The following MGAM variants were observed in gnomAD, a reference collection of about 807,000 sequenced individuals.
MGAM encodes the protein alpha-1,4-glucosidase.
A neutral mutation model predicts 358.8 loss-of-function variants in MGAM; 253 were observed. The observed-to-expected ratio is 0.71, with a 90% CI of 0.64 to 0.78. The LOEUF (loss-of-function observed/expected upper bound fraction) is 0.78. Ranked by LOEUF, MGAM falls within the 30% of genes least tolerant of loss-of-function variation. MGAM has a pLI of 0.00. For missense variants in MGAM, 3,080 were observed against 3,432.6 expected (o/e 0.90, Z 2.57); for synonymous variants, 1,105 against 1,227.1 (o/e 0.90, Z 2.08).
intron 65 of MGAM, 74 bp from the exon 66 acceptor site, chr7:142,097,519 C>G: frequency 6.9e-7 from 1 of 1,441,484 alleles, no homozygotes; most frequent in Non-Finnish European, 9.8e-7. Flanking sequence ...TATTTAACCT[C>G]TTTCCTAAGT....
chr7:142,065,100 G>A (rs1284103051), intron 37 of MGAM, among the ~76,000 whole-genome samples: 2 of 152,052 alleles, frequency 1.3e-5, no homozygotes, highest in Non-Finnish European at 2.9e-5. Context: ...TAGTATTTTG[G>A]GAGTACTCCA....
At chr7:142,081,229 T>A (rs1814238663) in intron 50 of MGAM, among the ~76,000 whole-genome samples, 1 of 146,422 alleles carries the variant, frequency 6.8e-6, no homozygotes, top group African/African-American at 2.4e-5. Context: ...TCTCTTCTCA[T>A]GACAACAAAT....
At chr7:142,068,537 G>C (rs1813045161) in intron 42 of MGAM, 110 bp from the exon 43 acceptor site, 1 of 866,308 alleles carries the variant, frequency 1.2e-6, no homozygotes, top group African/African-American at 1.6e-5. Flanking sequence ...GGGACATGAG[G>C]CAGCTGGGTC....
intron 21 of MGAM, among the ~76,000 whole-genome samples, chr7:142,045,613 T>TATTATATATACATACAA (rs369745021): frequency 1.3e-5 from 1 of 76,240 alleles, no homozygotes; most frequent in African/African-American, 2.3e-4. Context: ...ATAATATATA[T>TATTATATATACATACAA]TATATACATA....
rs542752170 is a variant in MGAM at position 142,059,497 on chromosome 7, A to G, written c.3845A>G (p.Tyr1282Cys). Residue 1282 changes from tyrosine to cysteine, a missense_variant, in exon 32 of 71, where the codon TAC becomes TGC. Tyr to Cys is a radical substitution (Grantham distance 194, BLOSUM62 -2). Transcript: ENST00000475668. ...PYDVQYSDIDYMERQLDFTLS... is the reference protein window; with the variant it reads ...PYDVQYSDIDCMERQLDFTLS... ...GATGTGCAGTACTCAGACATCGACT[A>G]CATGGAGCGGCAGCTGGACTTCACC... The G allele has an allele frequency of 6.2e-6, 10 of 1,611,988 alleles. No homozygotes were observed. The highest frequency in any genetic ancestry group is 8.5e-6 in the Non-Finnish European group (10 of 1,178,492).
At chr7:142,045,202 T>TATATAACATATATGTATATAATATATAA (rs1332232588) in intron 21 of MGAM, among the ~76,000 whole-genome samples, 1 of 67,112 alleles carries the variant, frequency 1.5e-5, no homozygotes, top group East Asian at 3.3e-4. Flanking sequence ...ATAATATATA[T>TATATAACATATATGTATATAATATATAA]TATATAACAT....
rs751744643 is a variant in MGAM at position 142,078,860 on chromosome 7, C to A, written c.5699C>A (p.Ser1900Tyr). ...TGCTATTTTGTCAACGACCTATACT[C>A]TGTCAGTGATGTTCAGTATAACTCC... ...PFCYFVNDLY[S>Y]VSDVQYNSHG... Residue 1900 changes from serine (S) to tyrosine (Y), a missense_variant, in exon 49 of 71, where the codon TCT (serine) becomes TAT (tyrosine). Ser to Tyr is a moderately radical substitution (Grantham distance 144). Coordinates refer to ENST00000475668, the MANE Select transcript of MGAM (RefSeq NM_001365693.1). 5 of 1,555,878 alleles carry A rather than the reference C, an allele frequency of 3.2e-6. 1 individual carries two copies. The highest frequency in any genetic ancestry group is 4.4e-6 in the Non-Finnish European group (5 of 1,132,306).
intron 4 of MGAM, 30 bp from the exon 5 acceptor site, chr7:142,020,944 T>A: frequency 7.4e-6 from 11 of 1,490,250 alleles, no homozygotes; most frequent in Non-Finnish European, 1.0e-5. Flanking sequence ...CAGAGTCAAC[T>A]ATGAAAACCT....
In MGAM at chr7:142,056,129, G is replaced by T. The variant is rs369508732; in HGVS notation, c.3580+33G>T. ...CATCAGCACCTCCCTTATTTTGGGG[G>T]GATACCAATCATGCCTGAGTCAATT... On this transcript the variant is annotated intron_variant, in intron 29 of 70. Coordinates refer to ENST00000475668, the MANE Select transcript of MGAM (RefSeq NM_001365693.1). The T allele has an allele frequency of 9.1e-5, 142 of 1,559,294 alleles. No individual in the cohort carries two copies. The African/African-American group carries it at 1.6e-3, about 17-fold the overall frequency.
Position 142,052,488 on chromosome 7 carries a change from AC to A in MGAM, c.2958+44del, listed in dbSNP as rs1311753978. 7.5e-6 allele frequency: 12 copies of A among 1,607,204 alleles called. No individual in the cohort carries two copies. The Admixed American group carries it at 1.9e-4, about 25-fold the overall frequency. On this transcript the variant is annotated intron_variant, in intron 25 of 70. Coordinates refer to ENST00000475668, the MANE Select transcript of MGAM (RefSeq NM_001365693.1). The stretch of plus-strand genomic sequence containing the variant: ...GGTTTGTGTGCATGAGAATCTCCAC[AC>A]CTAATCTGTAGTTTCTTAAGCATAG...
chr7:142,042,180 CATATTATATATACATATAAT>C (rs1808880925), intron 21 of MGAM, among the ~76,000 whole-genome samples: 28 of 992 alleles, frequency 0.028, 4 homozygotes, highest in Admixed American at 0.045. Flanking sequence ...TAATATATAA[CATATTATATATACATATAAT>C]ATATAACATA....
intron 26 of MGAM, among the ~76,000 whole-genome samples, chr7:142,054,097 C>T (rs913963122): frequency 1.3e-5 from 2 of 152,180 alleles, no homozygotes; most frequent in African/African-American, 4.8e-5. Context: ...GACTGTATTT[C>T]TCCCGTGAGA....
intron 21 of MGAM, among the ~76,000 whole-genome samples, chr7:142,047,462 G>A (rs769330220): frequency 6.6e-6 from 1 of 152,110 alleles, no homozygotes; most frequent in African/African-American, 2.4e-5. Flanking sequence ...TATTGCCCAA[G>A]ATTTATTTCT....
chr7:142,089,646 C>T (rs1334503942), intron 57 of MGAM, among the ~76,000 whole-genome samples: 1 of 145,338 alleles, frequency 6.9e-6, no homozygotes, highest in Non-Finnish European at 1.6e-5. Context: ...CAAAAGTTAG[C>T]CAGGCGTGGT....
chr7:142,050,956 A>T, intron 24 of MGAM, 92 bp downstream of exon 24: 1 of 1,558,050 alleles, frequency 6.4e-7, no homozygotes, highest in Non-Finnish European at 8.8e-7. Context: ...TCCCTGAAGG[A>T]CCAGGGCACC....
At chr7:142,006,290 A>C (rs781923412) in intron 2 of MGAM, among the ~76,000 whole-genome samples, 22 of 152,126 alleles carry the variant, frequency 1.4e-4, no homozygotes, top group Non-Finnish European at 2.6e-4. Context: ...TGGATTTCCC[A>C]TCAAAACTCT....
chr7:142,033,751 G>A (rs1324846634), intron 14 of MGAM, among the ~76,000 whole-genome samples: 3 of 152,126 alleles, frequency 2.0e-5, no homozygotes, highest in African/African-American at 7.2e-5. Context: ...TACATAGGAG[G>A]TAAATAAGAC....
chr7:142,017,421 G>A (rs1191291658), intron 3 of MGAM, among the ~76,000 whole-genome samples: 4 of 152,076 alleles, frequency 2.6e-5, no homozygotes, highest in Non-Finnish European at 4.4e-5. Flanking sequence ...CTTGCACCAT[G>A]TCTCTTCCCA....
At chr7:142,034,155 G>T in intron 14 of MGAM, 107 bp from the exon 15 acceptor site, 1 of 690,336 alleles carries the variant, frequency 1.4e-6, no homozygotes, top group East Asian at 2.7e-5. Flanking sequence ...TTTACAGGAT[G>T]CCCACAAAAG....
Sources: gnomAD v4.1 joint callset for allele counts (sites outside exome capture counted in the v4.1 genomes callset) on GRCh38, gnomAD v4.1.1 for gene constraint, MANE v1.5 for transcripts, NCBI Gene and HGNC (gene_info 2026-07-23, HGNC 2026-07-21) for gene names.